The following PALS1 variants were observed in gnomAD, a reference collection of about 807,000 sequenced individuals.
The protein encoded by PALS1 is protein associated with LIN7 1, MAGUK p55 family member.
PALS1 carries 31 observed loss-of-function variants against 78.9 expected under a neutral mutation model. The ratio of observed to expected loss-of-function variants is 0.39; its 90% CI spans 0.30 to 0.53. The LOEUF is 0.53. Ranked by LOEUF, PALS1 falls within the 20% of genes least tolerant of loss-of-function variation. The pLI is 0.67. For synonymous variants in PALS1, 276 were observed against 270.9 expected (o/e 1.02, Z -0.18); for missense variants, 704 against 826.5 (o/e 0.85, Z 1.82).
rs550030056 is a variant in PALS1 at position 67,299,111 on chromosome 14, A to C, written c.577-2278A>C. ...TTTCCTGTTTATGATTCTAGCAGGT[A>C]GGTAATGGTATCTTGTTTTGATTTG... On this transcript the variant is annotated intron_variant, in intron 4 of 14. Coordinates refer to ENST00000261681, the MANE Select transcript of PALS1 (RefSeq NM_022474.4). Among the ~76,000 whole-genome samples the C allele has an allele frequency of 3.9e-5, 6 of 152,346 alleles. No homozygotes were observed. The South Asian group carries it at 1.2e-3, about 32-fold the overall frequency.
chr14:67,276,401 T>C (rs1342307489), intron 2 of PALS1, among the ~76,000 whole-genome samples: 1 of 152,204 alleles, frequency 6.6e-6, no homozygotes, highest in African/African-American at 2.4e-5. Flanking sequence ...ACTATCTGGC[T>C]AATTTTTAGT....
At chr14:67,271,904 C>T (rs139918982) in intron 2 of PALS1, 2 of 152,018 alleles carry the variant, frequency 1.3e-5, no homozygotes, top group African/African-American at 2.4e-5. Flanking sequence ...AGCCCCGTCT[C>T]TACTAAAAAT....
At chr14:67,296,613 A>AAAAAAAG (rs1406815939) in intron 4 of PALS1, among the ~76,000 whole-genome samples, 2 of 149,844 alleles carry the variant, frequency 1.3e-5, no homozygotes, top group East Asian at 1.9e-4. Flanking sequence ...AAAAAAAAAA[A>AAAAAAAG]GATGGTGTCT....
intron 1 of PALS1, among the ~76,000 whole-genome samples, chr14:67,264,552 G>A (rs772006774): frequency 2.0e-5 from 3 of 152,086 alleles, no homozygotes; most frequent in Non-Finnish European, 4.4e-5. Flanking sequence ...TTTTTGTACC[G>A]TAAATGGTAT....
At chr14:67,300,811 A>G (rs193261217) in intron 4 of PALS1, among the ~76,000 whole-genome samples, 1 of 152,134 alleles carries the variant, frequency 6.6e-6, no homozygotes, top group Non-Finnish European at 1.5e-5. Flanking sequence ...CATTACACTC[A>G]TATAAATTCA....
chr14:67,258,877 T>C (rs184539881), intron 1 of PALS1, among the ~76,000 whole-genome samples: 243 of 152,322 alleles, frequency 1.6e-3, no homozygotes, highest in African/African-American at 5.6e-3. Context: ...AGTCTCTCTC[T>C]GTTTCCCAGG....
chr14:67,319,925 A>G (rs1294820387), intron 11 of PALS1, among the ~76,000 whole-genome samples: 1 of 152,242 alleles, frequency 6.6e-6, no homozygotes, highest in Non-Finnish European at 1.5e-5. Context: ...TTACTAGTTC[A>G]TTCCCTGGTA....
chr14:67,277,735 G>T (rs2084529090), intron 2 of PALS1, among the ~76,000 whole-genome samples: 2 of 152,212 alleles, frequency 1.3e-5, no homozygotes, highest in Middle Eastern at 3.4e-3. Context: ...AAAATATGTT[G>T]AAAGATTTTT....
At chr14:67,306,916 TAGC>T (rs772771247) in intron 8 of PALS1, among the ~76,000 whole-genome samples, 7 of 152,222 alleles carry the variant, frequency 4.6e-5, no homozygotes, top group Admixed American at 2.6e-4. Flanking sequence ...CATCTGTTGA[TAGC>T]AGCAGCAGCA....
intron 8 of PALS1, among the ~76,000 whole-genome samples, chr14:67,310,177 A>G (rs1457959543): frequency 1.3e-5 from 2 of 152,036 alleles, no homozygotes; most frequent in East Asian, 3.8e-4. Flanking sequence ...CTGTGTTTTG[A>G]TTCACTGCTA....
Position 67,317,488 on chromosome 14 carries a change from T to C in PALS1, c.1369+9T>C, listed in dbSNP as rs771958748. On this transcript the variant is annotated intron_variant, in intron 11 of 14. Transcript: ENST00000261681. ...TGCCAATAAAAATGATGGTAAGTTC[T>C]ACTCTCAGGGATAGGTGGAATTATA... 1 of 1,580,934 alleles carries C rather than the reference T, an allele frequency of 6.3e-7. No homozygotes were observed. Among genetic ancestry groups the C allele is most frequent in the Non-Finnish European group, 8.7e-7 (1 of 1,152,422 alleles).
chr14:67,286,572 T>C (rs2084690967), intron 3 of PALS1, among the ~76,000 whole-genome samples: 1 of 152,036 alleles, frequency 6.6e-6, no homozygotes, highest in Admixed American at 6.6e-5. Context: ...TTAACTGTTC[T>C]TAGCCGGGCG....
intron 1 of PALS1, among the ~76,000 whole-genome samples, chr14:67,257,594 TAAC>T: frequency 6.6e-6 from 1 of 151,058 alleles, no homozygotes; most frequent in East Asian, 1.9e-4. Flanking sequence ...GCTCAACAGA[TAAC>T]TAAAAAAAAA....
chr14:67,310,551 T>G (rs2085073233), intron 8 of PALS1, among the ~76,000 whole-genome samples: 1 of 152,186 alleles, frequency 6.6e-6, no homozygotes, highest in Non-Finnish European at 1.5e-5. Context: ...CAGGTCTGTT[T>G]AGTTAGTGAA....
intron 1 of PALS1, among the ~76,000 whole-genome samples, chr14:67,259,617 A>G (rs1049627467): frequency 2.0e-5 from 3 of 151,970 alleles, no homozygotes; most frequent in African/African-American, 7.3e-5. Flanking sequence ...CTCTAAATAA[A>G]TACATGAATG....
chr14:67,297,826 A>T (rs886151850), intron 4 of PALS1, among the ~76,000 whole-genome samples: 1 of 152,240 alleles, frequency 6.6e-6, no homozygotes, highest in Non-Finnish European at 1.5e-5. Flanking sequence ...GCCAATAGTC[A>T]GATATGAAGC....
At chr14:67,269,484 C>T (rs1333393954) in intron 1 of PALS1, among the ~76,000 whole-genome samples, 1 of 152,050 alleles carries the variant, frequency 6.6e-6, no homozygotes, top group East Asian at 1.9e-4. Flanking sequence ...ATTTGACATT[C>T]CTAACAGCAC....
In PALS1 at chr14:67,334,075, G is replaced by A. The variant is rs970091282; in HGVS notation, c.*1119G>A. 1 of 152,418 alleles carries A rather than the reference G, an allele frequency of 6.6e-6. No homozygotes were observed. The highest frequency in any genetic ancestry group is 2.4e-5 in the African/African-American group (1 of 41,374). The allele number at this position is 152,418 out of a possible 1,614,324, so 9.4% of individuals were successfully genotyped here. ...TATGTCCTTGGGAAATATTATGACA[G>A]TTGACTTTAAGATCAAAAGGAAGGG... On this transcript the variant is annotated 3_prime_UTR_variant, in exon 15 of 15. Transcript: ENST00000261681.
At chr14:67,327,509 C>A (rs1424280491) in intron 14 of PALS1, among the ~76,000 whole-genome samples, 1 of 150,568 alleles carries the variant, frequency 6.6e-6, no homozygotes, top group Non-Finnish European at 1.5e-5. Context: ...TTTTATTATA[C>A]TTTAAGTTCT....
Sources: gnomAD v4.1 joint callset for allele counts (sites outside exome capture counted in the v4.1 genomes callset) on GRCh38, gnomAD v4.1.1 for gene constraint, MANE v1.5 for transcripts, NCBI Gene and HGNC (gene_info 2026-07-23, HGNC 2026-07-21) for gene names.